The following BBS9 variants were observed in gnomAD, a reference collection of about 807,000 sequenced individuals.
BBS9 encodes the protein protein PTHB1.
A neutral mutation model predicts 117.7 loss-of-function variants in BBS9; 89 were observed. The ratio of observed to expected loss-of-function variants is 0.76; its 90% CI spans 0.64 to 0.90. BBS9 has a LOEUF of 0.90. BBS9 is among the 40% of genes least tolerant of loss of function. The probability of loss-of-function intolerance (pLI) is 0.00; values close to 1 mark genes in which losing one functional copy is unlikely to be tolerated. For synonymous variants in BBS9, 379 were observed against 370.9 expected, an observed-to-expected ratio of 1.02 and a Z score of -0.25; for missense variants, 982 against 1,042.2, an observed-to-expected ratio of 0.94 and a Z score of 0.80.
intron 10 of BBS9, among the ~76,000 whole-genome samples, chr7:33,340,346 G>T (rs981833176): frequency 2.6e-5 from 4 of 152,236 alleles, no homozygotes; most frequent in Middle Eastern, 3.4e-3. Context: ...AGTATGTAAA[G>T]ATGGACAGCA....
intron 20 of BBS9, among the ~76,000 whole-genome samples, chr7:33,508,251 C>A (rs996527110): frequency 2.0e-5 from 3 of 152,216 alleles, no homozygotes; most frequent in Non-Finnish European, 4.4e-5. Flanking sequence ...ATGTATCACT[C>A]TTTTTCTTTC....
In BBS9 at chr7:33,383,735, T is replaced by C; in HGVS notation, c.1859T>C (p.Leu620Pro). ...ATAACCAATGAGCTTATTCTTCGCCTTCAAGAATATTTTGAAAAACAGGGA... is the reference window on the plus strand; with the variant it reads ...ATAACCAATGAGCTTATTCTTCGCCCTCAAGAATATTTTGAAAAACAGGGA... ...WLITNELILR[L>P]QEYFEKQGVK... The change falls in exon 18 of 23, where the codon CTT (leucine) becomes CCT (proline). Residue 620 changes from leucine (L) to proline (P), a missense_variant. By Grantham distance (98) the Leu-to-Pro change is moderately conservative. Transcript: ENST00000242067. 6.2e-7 allele frequency: 1 copy of C among 1,612,438 alleles called. No homozygotes were observed. Among genetic ancestry groups the C allele is most frequent in the Non-Finnish European group, 8.5e-7 (1 of 1,179,202 alleles).
chr7:33,517,336 A>G (rs1324119080), intron 20 of BBS9, among the ~76,000 whole-genome samples: 1 of 152,022 alleles, frequency 6.6e-6, no homozygotes, highest in African/African-American at 2.4e-5. Context: ...TTAACCTCTC[A>G]CCATTCCTGA....
At chr7:33,406,492 T>G (rs1184785892) in intron 19 of BBS9, among the ~76,000 whole-genome samples, 3 of 152,154 alleles carry the variant, frequency 2.0e-5, no homozygotes, top group Non-Finnish European at 4.4e-5. Context: ...GTTAGCTGGT[T>G]ATTTTGCTCG....
intron 5 of BBS9, among the ~76,000 whole-genome samples, chr7:33,190,688 A>AATCTTTACTT: frequency 6.6e-6 from 1 of 152,218 alleles, no homozygotes; most frequent in African/African-American, 2.4e-5. Flanking sequence ...TCCATGTAAA[A>AATCTTTACTT]GAGGTTCTTC....
At chr7:33,572,968 A>G (rs1239811629) in intron 21 of BBS9, among the ~76,000 whole-genome samples, 1 of 152,052 alleles carries the variant, frequency 6.6e-6, no homozygotes, top group Non-Finnish European at 1.5e-5. Flanking sequence ...TGAGCAGAGG[A>G]AAATAATTCA....
At chr7:33,248,817 A>G (rs1027247549) in intron 5 of BBS9, among the ~76,000 whole-genome samples, 1 of 152,164 alleles carries the variant, frequency 6.6e-6, no homozygotes, top group Admixed American at 6.6e-5. Flanking sequence ...CTTATGCATC[A>G]GTCTCTTGAT....
At position 33,344,578 on chromosome 7, in the gene BBS9, CAGCA is replaced by C. The variant is rs2128646927; in HGVS notation, c.1277_1280del (p.Gln426ArgfsTer16). Reference sequence around the variant, plus strand: ...TCTTGCCTTCTCAATTCTGTGTTTACAGCAAGCGACCGATGTTGAGGTGGGAACT... The same window carrying C: ...TCTTGCCTTCTCAATTCTGTGTTTACAGCGACCGATGTTGAGGTGGGAACT... On this transcript the variant is annotated splice_acceptor_variant and coding_sequence_variant, in exon 12 of 23. Transcript: ENST00000242067. LOFTEE classifies it high-confidence loss of function. 2.5e-6 allele frequency: 4 copies of C among 1,613,972 alleles called. No homozygotes were observed. Among genetic ancestry groups the C allele is most frequent in the Non-Finnish European group, 3.4e-6 (4 of 1,179,906 alleles).
chr7:33,281,866 G>A (rs1043638943), intron 9 of BBS9, among the ~76,000 whole-genome samples: 2 of 151,814 alleles, frequency 1.3e-5, no homozygotes, highest in Admixed American at 6.6e-5. Flanking sequence ...CCAGGCTGGA[G>A]GGCAGTGGTG....
chr7:33,632,532 G>C (rs889266652), intron 21 of BBS9, among the ~76,000 whole-genome samples: 2 of 152,196 alleles, frequency 1.3e-5, no homozygotes, highest in Admixed American at 6.5e-5. Context: ...GCTTCGTTCT[G>C]GTAGACTTGC....
At chr7:33,222,082 G>A (rs907354734) in intron 5 of BBS9, among the ~76,000 whole-genome samples, 1 of 152,124 alleles carries the variant, frequency 6.6e-6, no homozygotes, top group East Asian at 1.9e-4. Context: ...ACAATGATGT[G>A]TTTGAATATT....
intron 15 of BBS9, 145 bp from the exon 16 acceptor site, chr7:33,357,710 T>G: frequency 1.2e-6 from 1 of 804,648 alleles, no homozygotes; most frequent in Non-Finnish European, 2.1e-6. Context: ...GATAATAATT[T>G]ACAGTTATTT....
intron 19 of BBS9, among the ~76,000 whole-genome samples, chr7:33,503,419 C>T (rs1329649743): frequency 1.3e-5 from 2 of 152,226 alleles, no homozygotes; most frequent in Non-Finnish European, 2.9e-5. Context: ...GCTTGGCATG[C>T]GGCCTATGTT....
intron 15 of BBS9, among the ~76,000 whole-genome samples, chr7:33,356,762 C>T (rs1040868596): frequency 2.0e-5 from 3 of 151,812 alleles, no homozygotes; most frequent in Admixed American, 6.6e-5. Context: ...TTGCTAATTC[C>T]AGGGATCCTG....
At chr7:33,189,044 C>G (rs1202535376) in intron 5 of BBS9, among the ~76,000 whole-genome samples, 2 of 152,078 alleles carry the variant, frequency 1.3e-5, no homozygotes, top group Non-Finnish European at 2.9e-5. Context: ...GTTTTAGAGA[C>G]AGGGTCTAGC....
intron 4 of BBS9, among the ~76,000 whole-genome samples, chr7:33,167,756 C>T (rs1583436445): frequency 6.6e-6 from 1 of 152,120 alleles, no homozygotes; most frequent in Non-Finnish European, 1.5e-5. Context: ...TTACCAGAAA[C>T]CTGTATTCAA....
chr7:33,390,740 C>A, intron 19 of BBS9: 1 of 471,878 alleles, frequency 2.1e-6, no homozygotes, highest in Non-Finnish European at 2.8e-6. Flanking sequence ...AATTTCCCAT[C>A]TTGGTTCCTT....
intron 21 of BBS9, among the ~76,000 whole-genome samples, chr7:33,621,340 A>G (rs1409313112): frequency 6.6e-6 from 1 of 152,244 alleles, no homozygotes; most frequent in African/African-American, 2.4e-5. Context: ...AAAAAACTCA[A>G]TAGCAAGGAA....
chr7:33,336,657 T>A, intron 10 of BBS9, 35 bp downstream of exon 10: 1 of 1,399,780 alleles, frequency 7.1e-7, no homozygotes, highest in Non-Finnish European at 1.0e-6. Context: ...ATTTTAGTAT[T>A]CATTATGAAA....
Sources: allele counts gnomAD v4.1 joint callset (sites outside exome capture counted in the v4.1 genomes callset), GRCh38; gene constraint gnomAD v4.1.1; transcripts MANE v1.5; gene names NCBI Gene and HGNC (gene_info 2026-07-23, HGNC 2026-07-21).